NEGR1: variants seen among roughly 807,000 people sequenced by gnomAD.
NEGR1 encodes the protein neuronal growth regulator 1.
Under a neutral mutation model 40.9 loss-of-function variants are expected in NEGR1, and 10 were observed. The ratio of observed to expected loss-of-function variants is 0.24; its 90% confidence interval spans 0.15 to 0.42. NEGR1 has a LOEUF of 0.42. Ranked by LOEUF, NEGR1 falls within the 10% of genes least tolerant of loss-of-function variation. The probability of loss-of-function intolerance (pLI) is 1.00; values close to 1 mark genes in which losing one functional copy is unlikely to be tolerated. For synonymous variants in NEGR1, 185 were observed against 166.8 expected, an observed-to-expected ratio of 1.11 and a Z score of -0.84; for missense variants, 352 against 438.9, an observed-to-expected ratio of 0.80 and a Z score of 1.77.
intron 2 of NEGR1, among the ~76,000 whole-genome samples, chr1:71,831,178 G>C (rs1218341370): frequency 6.6e-6 from 1 of 151,880 alleles, no homozygotes; most frequent in Non-Finnish European, 1.5e-5. Context: ...GTGTCTTTTA[G>C]GACAGCCAGT....
chr1:72,094,198 C>T (rs549211011), intron 1 of NEGR1, among the ~76,000 whole-genome samples: 1 of 151,964 alleles, frequency 6.6e-6, no homozygotes, highest in Non-Finnish European at 1.5e-5. Context: ...CAAATGAATT[C>T]CTAATTGCAC....
intron 6 of NEGR1, among the ~76,000 whole-genome samples, chr1:71,450,291 G>C (rs1294640219): frequency 1.3e-5 from 2 of 151,784 alleles, no homozygotes; most frequent in African/African-American, 4.8e-5. Context: ...ACCTGGCCTA[G>C]AATGTTATTA....
chr1:71,412,768 G>T (rs187387207), intron 6 of NEGR1, among the ~76,000 whole-genome samples: 18 of 152,100 alleles, frequency 1.2e-4, no homozygotes, highest in African/African-American at 3.4e-4. Flanking sequence ...GAACAAGAAA[G>T]AAAGGAGGAG....
At position 71,928,423 on chromosome 1, in the gene NEGR1, CAT is replaced by C. The variant is rs1415341489; in HGVS notation, c.409+6654_409+6655del. 9.2e-5 allele frequency among the ~76,000 whole-genome samples: 12 copies of C among 131,132 alleles called. 4 individuals are homozygous for C. In the East Asian group the frequency reaches 2.2e-3, roughly 24 times the overall value. The allele number at this position is 131,132 out of a possible 152,430, so 86.0% of individuals were successfully genotyped here. ...ATATATGTGTATGTATATATACACA[CAT>C]ATGTATATATACACATATATATGTA... On this transcript the variant is annotated intron_variant, in intron 2 of 6. Coordinates refer to ENST00000357731, the MANE Select transcript of NEGR1 (RefSeq NM_173808.3).
chr1:72,254,535 T>G (rs1655201807), intron 1 of NEGR1, among the ~76,000 whole-genome samples: 2 of 151,928 alleles, frequency 1.3e-5, no homozygotes, highest in African/African-American at 4.8e-5. Context: ...ACCCCATCTC[T>G]ACTAAAAATA....
intron 2 of NEGR1, among the ~76,000 whole-genome samples, chr1:71,879,376 T>C (rs1267119559): frequency 2.6e-5 from 4 of 152,154 alleles, no homozygotes; most frequent in Non-Finnish European, 1.5e-5. Context: ...ATTTGTTATT[T>C]AAAACAAGAT....
intron 6 of NEGR1, among the ~76,000 whole-genome samples, chr1:71,454,193 T>C (rs1447944289): frequency 6.6e-6 from 1 of 152,232 alleles, no homozygotes; most frequent in East Asian, 1.9e-4. Flanking sequence ...TTTAAATTAC[T>C]CTTAGTTTTT....
At chr1:71,981,941 T>C (rs972745630) in intron 1 of NEGR1, among the ~76,000 whole-genome samples, 7 of 152,162 alleles carry the variant, frequency 4.6e-5, no homozygotes, top group African/African-American at 1.7e-4. Context: ...ACATAAATCA[T>C]ATTGTTTAGC....
intron 1 of NEGR1, among the ~76,000 whole-genome samples, chr1:72,032,610 C>A (rs918001518): frequency 2.6e-5 from 4 of 152,104 alleles, no homozygotes; most frequent in African/African-American, 9.7e-5. Context: ...AATAAAGAAG[C>A]CATTTCACAC....
chr1:71,408,679 G>A (rs1036923823), intron 6 of NEGR1: 8 of 151,822 alleles, frequency 5.3e-5, no homozygotes, highest in Non-Finnish European at 7.4e-5. Context: ...AATAATAATT[G>A]TAATAACAAA....
intron 1 of NEGR1, among the ~76,000 whole-genome samples, chr1:72,138,733 C>T (rs1218083095): frequency 2.6e-5 from 4 of 151,932 alleles, no homozygotes; most frequent in Admixed American, 2.0e-4. Flanking sequence ...GCAAAAACTG[C>T]TAAAACTGCA....
intron 5 of NEGR1, among the ~76,000 whole-genome samples, chr1:71,607,926 A>T (rs1484479319): frequency 6.6e-6 from 1 of 152,074 alleles, no homozygotes; most frequent in African/African-American, 2.4e-5. Context: ...TGACCTTGTG[A>T]TCCACCCGTC....
At chr1:72,222,657 G>T (rs539055857) in intron 1 of NEGR1, among the ~76,000 whole-genome samples, 1 of 152,054 alleles carries the variant, frequency 6.6e-6, no homozygotes, top group Admixed American at 6.6e-5. Flanking sequence ...TGTTAATGGT[G>T]GTTAGGTTCA....
intron 1 of NEGR1, among the ~76,000 whole-genome samples, chr1:72,071,258 T>C (rs1369997857): frequency 6.6e-6 from 1 of 151,448 alleles, no homozygotes; most frequent in Non-Finnish European, 1.5e-5. Flanking sequence ...GAAAGCTAAA[T>C]CAAAAGAAAT....
chr1:71,635,918 G>T (rs1268613345), intron 4 of NEGR1, among the ~76,000 whole-genome samples: 8 of 151,854 alleles, frequency 5.3e-5, no homozygotes. Context: ...TTAGGTTCTT[G>T]ATCTGGGATA....
intron 1 of NEGR1, among the ~76,000 whole-genome samples, chr1:72,219,243 A>C (rs13376591): frequency 0.013 from 1,970 of 152,192 alleles, 44 homozygotes; most frequent in African/African-American, 0.045. Flanking sequence ...ATCTCAAAGC[A>C]AATAAAATAT....
intron 1 of NEGR1, among the ~76,000 whole-genome samples, chr1:72,086,988 T>C (rs1648247111): frequency 6.6e-6 from 1 of 152,064 alleles, no homozygotes; most frequent in Non-Finnish European, 1.5e-5. Context: ...ATTAGAAAAT[T>C]TGAGTTAGAG....
At chr1:71,499,104 T>C (rs1193865953) in intron 6 of NEGR1, among the ~76,000 whole-genome samples, 1 of 152,170 alleles carries the variant, frequency 6.6e-6, no homozygotes, top group Non-Finnish European at 1.5e-5. Flanking sequence ...TAATGTTAGT[T>C]TTCAGCAAGA....
In NEGR1 at chr1:71,591,744, A is replaced by C. The variant is rs554768455; in HGVS notation, c.940+1073T>G. On this transcript the variant is annotated intron_variant, in intron 6 of 6. Transcript: ENST00000357731. The stretch of plus-strand genomic sequence containing the variant: ...ATTAGGCTGGGATAATAAAAGATGT[A>C]ATATAAACTGATATGTTTTATTTCA... Among the ~76,000 whole-genome samples, 51 of 152,260 alleles carry C rather than the reference A, an allele frequency of 3.3e-4. 1 individual carries two copies. The highest frequency in any genetic ancestry group is 1.2e-3 in the African/African-American group (49 of 41,566).
Sources: gnomAD v4.1 joint callset for allele counts (sites outside exome capture counted in the v4.1 genomes callset) on GRCh38, gnomAD v4.1.1 for gene constraint, MANE v1.5 for transcripts, NCBI Gene and HGNC (gene_info 2026-07-23, HGNC 2026-07-21) for gene names.